Variants in ZBED3 observed in about 807,000 individuals in gnomAD.
ZBED3 encodes zinc finger BED domain-containing protein 3.
For missense variants in ZBED3, 388 were observed against 362.9 expected (o/e 1.07, Z -0.56); for synonymous variants, 175 against 180.0 (o/e 0.97, Z 0.22).
chr5:77,083,289 C>T (rs1047455863), intron 1 of ZBED3, among the ~76,000 whole-genome samples: 7 of 152,222 alleles, frequency 4.6e-5, no homozygotes, highest in African/African-American at 1.7e-4. Context: ...GGAGGAAACC[C>T]AGCATGTGAG....
rs1367740499 is a variant in ZBED3, at chr5:77,074,639, A to G, written c.*2535T>C. The G allele has an allele frequency of 2.0e-5, 3 of 152,188 alleles. No homozygotes were observed. The highest frequency in any genetic ancestry group is 7.2e-5 in the African/African-American group (3 of 41,432). The allele number at this position is 152,188 out of a possible 1,614,324, so 9.4% of individuals were successfully genotyped here. A position where few individuals can be genotyped will look rare whatever the true frequency, so the allele number is the denominator to read the frequency against. ...CATGGGGAATGCTCAGTAAATATTA[A>G]TGTCACTAATTCCAGTCAATTCCAT... On this transcript the variant is annotated 3_prime_UTR_variant, in exon 3 of 3. Coordinates refer to ENST00000255198, the MANE Select transcript of ZBED3 (RefSeq NM_032367.4).
rs116371339 is a variant in ZBED3, at chr5:77,085,867, G to A, written c.-153+1244C>T. On this transcript the variant is annotated intron_variant, in intron 1 of 2. Coordinates refer to ENST00000255198, the MANE Select transcript of ZBED3 (RefSeq NM_032367.4). ...AATGCCTCCAAACTGTAAAACCTGAGTTGGGGAATAAATGGTAAAATGTGT... is the reference window on the plus strand; with the variant it reads ...AATGCCTCCAAACTGTAAAACCTGAATTGGGGAATAAATGGTAAAATGTGT... Among the ~76,000 whole-genome samples the A allele has an allele frequency of 5.9e-3, 900 of 152,352 alleles. 9 individuals are homozygous for A. The highest frequency in any genetic ancestry group is 0.02 in the African/African-American group (838 of 41,580).
At chr5:77,083,414 C>T (rs966688511) in intron 1 of ZBED3, among the ~76,000 whole-genome samples, 2 of 152,224 alleles carry the variant, frequency 1.3e-5, no homozygotes, top group African/African-American at 4.8e-5. Flanking sequence ...AGGGTAGACA[C>T]TTGGGGGATG....
At chr5:77,080,856 C>A (rs1224948507) in intron 1 of ZBED3, among the ~76,000 whole-genome samples, 2 of 152,174 alleles carry the variant, frequency 1.3e-5, no homozygotes, top group Admixed American at 6.5e-5. Flanking sequence ...ACGGGTGCAG[C>A]ACACCAACAT....
At position 77,077,802 on chromosome 5, in the gene ZBED3, C is replaced by T; in HGVS notation, c.77G>A (p.Cys26Tyr). 1 of 1,304,698 alleles carries T rather than the reference C, an allele frequency of 7.7e-7. No individual in the cohort carries two copies. The allele number at this position is 1,304,698 out of a possible 1,614,324, so 80.8% of individuals were successfully genotyped here. The change falls in exon 3 of 3, where the codon TGT (cysteine) becomes TAT (tyrosine). Residue 26 changes from cysteine (C) to tyrosine (Y), a missense_variant. Physicochemically the swap from Cys to Tyr is radical, Grantham distance 194. Coordinates refer to ENST00000255198, the MANE Select transcript of ZBED3 (RefSeq NM_032367.4). The part of the protein sequence containing the change: ...LDDAAARGGQ[C>Y]PGLGPAPTPT... Reference sequence around the variant, plus strand: ...CGTCGGCGCCGGCCCCAGTCCCGGACACTGACCGCCCCGCGCCGCCGCGTC... The same window carrying T: ...CGTCGGCGCCGGCCCCAGTCCCGGATACTGACCGCCCCGCGCCGCCGCGTC...
chr5:77,078,843 C>A (rs566169690), intron 1 of ZBED3, 115 bp from the exon 2 acceptor site: 1 of 152,276 alleles, frequency 6.6e-6, no homozygotes, highest in East Asian at 1.9e-4. Context: ...TTTTTCTAAC[C>A]CTTTCATAGA....
rs1742912276 is a variant in ZBED3, at chr5:77,072,971, G to A, written c.*4203C>T. The A allele has an allele frequency of 6.6e-6, 1 of 152,164 alleles. No individual in the cohort carries two copies. The highest frequency in any genetic ancestry group is 2.4e-5 in the African/African-American group (1 of 41,408). The allele number at this position is 152,164 out of a possible 1,614,324, so 9.4% of individuals were successfully genotyped here. On this transcript the variant is annotated 3_prime_UTR_variant, in exon 3 of 3. Coordinates refer to ENST00000255198, the MANE Select transcript of ZBED3 (RefSeq NM_032367.4). ...AATGATGGAGTTGGACTGAACAAGG[G>A]CTGCATTTCTTTCTGGGATTTTCTG...
chr5:77,083,882 T>C (rs1490557756), intron 1 of ZBED3, among the ~76,000 whole-genome samples: 1 of 152,204 alleles, frequency 6.6e-6, no homozygotes, highest in East Asian at 1.9e-4. Context: ...TGGGGAGGTT[T>C]AATTAGCCAA....
intron 1 of ZBED3, among the ~76,000 whole-genome samples, chr5:77,082,599 C>T (rs1051200470): frequency 6.6e-6 from 1 of 152,088 alleles, no homozygotes; most frequent in Non-Finnish European, 1.5e-5. Context: ...ATAATATGAT[C>T]CCACTATTAT....
rs1742919669 is a variant in ZBED3 at position 77,073,431 on chromosome 5, A to C, written c.*3743T>G. On this transcript the variant is annotated 3_prime_UTR_variant, in exon 3 of 3. Transcript: ENST00000255198. The stretch of plus-strand genomic sequence containing the variant: ...GTTCCAATACTTGAAAATAACTTAG[A>C]GTAATATAAAAATTGCAAAAGACAA... 1 of 152,234 alleles carries C rather than the reference A, an allele frequency of 6.6e-6. No homozygotes were observed. Among genetic ancestry groups the C allele is most frequent in the Non-Finnish European group, 1.5e-5 (1 of 68,042 alleles). 9.4% of individuals were successfully genotyped at this position (152,234 alleles called of 1,614,324 possible).
intron 1 of ZBED3, among the ~76,000 whole-genome samples, chr5:77,080,799 T>C (rs973293097): frequency 6.6e-6 from 1 of 151,982 alleles, no homozygotes; most frequent in African/African-American, 2.4e-5. Context: ...TGGGGTGGCG[T>C]GGGAGGGATA....
Position 77,076,506 on chromosome 5 carries a change from GC to G in ZBED3, c.*667del, listed in dbSNP as rs780422481. On this transcript the variant is annotated 3_prime_UTR_variant, in exon 3 of 3. Coordinates refer to ENST00000255198, the MANE Select transcript of ZBED3 (RefSeq NM_032367.4). ...TTAGGTCTGAAGCAAGGGAAGGATGGCCGAGGGGAGACAGAGTGCACCTGGT... is the reference window on the plus strand; with the variant it reads ...TTAGGTCTGAAGCAAGGGAAGGATGGCGAGGGGAGACAGAGTGCACCTGGT... The G allele has an allele frequency of 6.6e-6, 1 of 152,164 alleles. No individual in the cohort carries two copies. The highest frequency in any genetic ancestry group is 1.5e-5 in the Non-Finnish European group (1 of 68,106). 9.4% of individuals were successfully genotyped at this position (152,164 alleles called of 1,614,324 possible). A position where few individuals can be genotyped will look rare whatever the true frequency, so the allele number is the denominator to read the frequency against.
At chr5:77,079,947 T>C (rs1743096871) in intron 1 of ZBED3, among the ~76,000 whole-genome samples, 2 of 152,252 alleles carry the variant, frequency 1.3e-5, no homozygotes, top group Admixed American at 1.3e-4. Flanking sequence ...TATACTTTTT[T>C]CTTTTTTAAA....
rs1238032805 is a variant in ZBED3, at chr5:77,073,743, AT to A, written c.*3430del. On this transcript the variant is annotated 3_prime_UTR_variant, in exon 3 of 3. Transcript: ENST00000255198. ...CAGAATTAAAGATAAATGATTAGTA[AT>A]TACAGGAAAACTAACTTGTAAAAAT... 6.6e-6 allele frequency: 1 copy of A among 152,248 alleles called. No homozygotes were observed. Among genetic ancestry groups the A allele is most frequent in the Non-Finnish European group, 1.5e-5 (1 of 68,046 alleles). The allele number at this position is 152,248 out of a possible 1,614,324, so 9.4% of individuals were successfully genotyped here.
chr5:77,080,618 T>C (rs980558350), intron 1 of ZBED3: 3 of 518,834 alleles, frequency 5.8e-6, no homozygotes, highest in Non-Finnish European at 1.2e-5. Context: ...AGTCTCAGTA[T>C]CTGCTGAGTG....
At chr5:77,084,578 C>T (rs761224537) in intron 1 of ZBED3, among the ~76,000 whole-genome samples, 17 of 152,130 alleles carry the variant, frequency 1.1e-4, no homozygotes, top group African/African-American at 2.2e-4. Flanking sequence ...ATCAGCAGCG[C>T]GAAAACAGAT....
intron 1 of ZBED3, chr5:77,079,336 G>A (rs1439824161): frequency 6.6e-6 from 1 of 152,232 alleles, no homozygotes; most frequent in Non-Finnish European, 1.5e-5. Context: ...CAGCCATGGA[G>A]ATGACAAAGT....
At chr5:77,085,291 G>T (rs77936081) in intron 1 of ZBED3, among the ~76,000 whole-genome samples, 1 of 152,150 alleles carries the variant, frequency 6.6e-6, no homozygotes, top group Non-Finnish European at 1.5e-5. Context: ...ATATACACAA[G>T]GTATGACTAT....
At chr5:77,084,877 A>G (rs573282832) in intron 1 of ZBED3, among the ~76,000 whole-genome samples, 47 of 152,376 alleles carry the variant, frequency 3.1e-4, no homozygotes, top group African/African-American at 1.1e-3. Flanking sequence ...ATTTTAAAAG[A>G]AAGTTTCTTG....
Sources: gnomAD v4.1 joint callset for allele counts (sites outside exome capture counted in the v4.1 genomes callset) on GRCh38, gnomAD v4.1.1 for gene constraint, MANE v1.5 for transcripts, NCBI Gene and HGNC (gene_info 2026-07-23, HGNC 2026-07-21) for gene names.